The following WDFY3 variants were observed in gnomAD, a reference collection of about 807,000 sequenced individuals.
WDFY3 encodes WD repeat and FYVE domain containing 3.
Under a neutral mutation model 409.6 loss-of-function variants are expected in WDFY3, and 66 were observed. The observed-to-expected ratio is 0.16, with a 90% CI of 0.13 to 0.20. The LOEUF (loss-of-function observed/expected upper bound fraction) is 0.20, where lower values mean the gene tolerates loss of function less well. Among genes scored for constraint, WDFY3 ranks in the 10% least tolerant of loss-of-function variants. The pLI, the probability that WDFY3 is intolerant of heterozygous loss-of-function variation, is 1.00. For missense variants in WDFY3, 3,031 were observed against 4,298.1 expected, an observed-to-expected ratio of 0.71 and a Z score of 8.24; for synonymous variants, 1,521 against 1,537.1, an observed-to-expected ratio of 0.99 and a Z score of 0.25.
At chr4:84,781,284 C>T (rs983828240) in intron 25 of WDFY3, among the ~76,000 whole-genome samples, 2 of 151,700 alleles carry the variant, frequency 1.3e-5, no homozygotes, top group Admixed American at 1.3e-4. Context: ...TTGAATGTCA[C>T]TTGCCTGCTG....
intron 27 of WDFY3, among the ~76,000 whole-genome samples, chr4:84,776,091 C>G (rs1745500895): frequency 6.6e-6 from 1 of 151,826 alleles, no homozygotes; most frequent in Admixed American, 6.6e-5. Context: ...AATAATTGAT[C>G]ATTTAAAGCA....
chr4:84,724,728 GTAAA>G, intron 45 of WDFY3, 134 bp from the exon 46 acceptor site: 4 of 830,412 alleles, frequency 4.8e-6, no homozygotes, highest in Non-Finnish European at 6.7e-6. Flanking sequence ...TGTATATACA[GTAAA>G]TCCACACTTT....
At chr4:84,851,303 C>T (rs1758976361) in intron 4 of WDFY3, among the ~76,000 whole-genome samples, 1 of 152,012 alleles carries the variant, frequency 6.6e-6, no homozygotes, top group African/African-American at 2.4e-5. Flanking sequence ...TTTTAACAGT[C>T]ATTACACAGT....
intron 3 of WDFY3, among the ~76,000 whole-genome samples, chr4:84,873,780 T>TTTTG (rs1013626688): frequency 6.6e-6 from 1 of 151,110 alleles, no homozygotes; most frequent in African/African-American, 2.5e-5. Context: ...TGTGTTTTTT[T>TTTTG]TTTGTTTGTT....
At chr4:84,963,354 G>T (rs1443561067) in intron 1 of WDFY3, among the ~76,000 whole-genome samples, 1 of 151,434 alleles carries the variant, frequency 6.6e-6, no homozygotes, top group Admixed American at 6.6e-5. Flanking sequence ...AAACCCGGGA[G>T]GCAGAAGTTG....
intron 3 of WDFY3, among the ~76,000 whole-genome samples, chr4:84,882,799 G>A (rs1005906152): frequency 2.0e-5 from 3 of 150,954 alleles, no homozygotes; most frequent in African/African-American, 4.9e-5. Flanking sequence ...CTGAAGCCTC[G>A]ACCTCCTAGG....
intron 4 of WDFY3, among the ~76,000 whole-genome samples, chr4:84,851,203 T>C (rs575260923): frequency 1.3e-5 from 2 of 152,140 alleles, no homozygotes; most frequent in East Asian, 1.9e-4. Context: ...GGTATATAAC[T>C]AGATATATCC....
intron 21 of WDFY3, among the ~76,000 whole-genome samples, chr4:84,791,587 T>C (rs1021266152): frequency 6.6e-5 from 10 of 152,152 alleles, no homozygotes; most frequent in African/African-American, 2.4e-4. Flanking sequence ...ACAGTATGGG[T>C]TAGAAAAAGA....
chr4:84,761,211 C>T (rs371305420), intron 32 of WDFY3, among the ~76,000 whole-genome samples: 1 of 152,004 alleles, frequency 6.6e-6, no homozygotes, highest in African/African-American at 2.4e-5. Context: ...TTGCTGAGGA[C>T]AGCTTTACTT....
At position 84,766,361 on chromosome 4, in the gene WDFY3, C is replaced by T; in HGVS notation, c.4861G>A (p.Glu1621Lys). ...EEKLDTGTEE[E>K]FGGLVSANLI... is the part of the protein sequence containing the mutation. Reference sequence around the variant, plus strand: ...TTAGCTGATACAAGACCTCCAAACTCCTCTTCAGTTCCTAAAATAAAAATA... The same window carrying T: ...TTAGCTGATACAAGACCTCCAAACTTCTCTTCAGTTCCTAAAATAAAAATA... The change falls in exon 31 of 68, where the codon GAG becomes AAG. Residue 1621 changes from glutamate (E) to lysine (K), a missense_variant. By Grantham distance (56) the Glu-to-Lys change is moderately conservative (BLOSUM62 1). Around this residue, in one of 16 missense-constraint regions of WDFY3, gnomAD observed 342 missense variants for 463.7 expected, o/e 0.74. Transcript: ENST00000295888. 6.3e-7 allele frequency: 1 copy of T among 1,588,576 alleles called. No individual in the cohort carries two copies. The highest frequency in any genetic ancestry group is 8.5e-7 in the Non-Finnish European group (1 of 1,173,184).
intron 2 of WDFY3, among the ~76,000 whole-genome samples, chr4:84,907,498 G>A (rs958143626): frequency 1.3e-5 from 2 of 152,018 alleles, no homozygotes; most frequent in Non-Finnish European, 2.9e-5. Context: ...CCATGTACGT[G>A]AGCCATCCTG....
At chr4:84,738,943 G>T (rs576175659) in intron 40 of WDFY3, 67 bp downstream of exon 40, 2 of 1,537,468 alleles carry the variant, frequency 1.3e-6, no homozygotes, top group Non-Finnish European at 1.8e-6. Flanking sequence ...CCAATTTGTT[G>T]GTTATGTCTT....
At chr4:84,741,665 C>A in intron 38 of WDFY3, 96 bp downstream of exon 38, 1 of 1,301,920 alleles carries the variant, frequency 7.7e-7, no homozygotes, top group Non-Finnish European at 1.0e-6. Context: ...TGTTAACATT[C>A]ATTATCTTAT....
At chr4:84,947,595 C>T (rs769524616) in intron 1 of WDFY3, among the ~76,000 whole-genome samples, 4 of 148,634 alleles carry the variant, frequency 2.7e-5, no homozygotes, top group African/African-American at 4.9e-5. Context: ...CTAGGCTGGG[C>T]GCAGTGGCTC....
chr4:84,808,483 T>G, intron 14 of WDFY3, 66 bp from the exon 15 acceptor site: 2 of 1,401,730 alleles, frequency 1.4e-6, no homozygotes, highest in Non-Finnish European at 2.0e-6. Flanking sequence ...AGGTTGGCAG[T>G]TGGTTAGTTT....
chr4:84,783,156 A>G, intron 24 of WDFY3, 82 bp from the exon 25 acceptor site: 2 of 1,226,162 alleles, frequency 1.6e-6, no homozygotes, highest in East Asian at 2.3e-5. Context: ...AAACACATGA[A>G]TGGTAACATA....
At chr4:84,673,602 A>G (rs918815461) in intron 67 of WDFY3, among the ~76,000 whole-genome samples, 16 of 152,256 alleles carry the variant, frequency 1.1e-4, no homozygotes, top group African/African-American at 3.8e-4. Flanking sequence ...CAGTCCCAAC[A>G]CCCTCATTTC....
intron 17 of WDFY3, 108 bp from the exon 18 acceptor site, chr4:84,798,216 TA>T (rs1333939447): frequency 1.3e-5 from 12 of 926,798 alleles, no homozygotes; most frequent in East Asian, 2.7e-5. Flanking sequence ...CTAATTACAA[TA>T]AAAAAATGCA....
chr4:84,738,977 C>T (rs1274281812), intron 40 of WDFY3, 33 bp downstream of exon 40: 1 of 1,608,252 alleles, frequency 6.2e-7, no homozygotes, highest in Non-Finnish European at 8.5e-7. Flanking sequence ...AAAACAACCA[C>T]AATTTAAAAA....
Sources: gnomAD v4.1 joint callset for allele counts (sites outside exome capture counted in the v4.1 genomes callset) on GRCh38, gnomAD v4.1.1 for gene constraint, gnomAD v4.1.1 regional missense constraint, MANE v1.5 for transcripts, NCBI Gene and HGNC (gene_info 2026-07-23, HGNC 2026-07-21) for gene names.